The following MCTS1 variants were observed in gnomAD, a reference collection of about 807,000 sequenced individuals.
The protein encoded by MCTS1 is malignant T-cell-amplified sequence 1.
For synonymous variants in MCTS1, 26 were observed against 40.8 expected (o/e 0.64, Z 1.38); for missense variants, 55 against 128.6 (o/e 0.43, Z 2.77).
intron 4 of MCTS1, among the ~76,000 whole-genome samples, chrX:120,609,673 G>T (rs894692531): frequency 1.8e-5 from 2 of 111,736 alleles, no homozygotes; most frequent in Non-Finnish European, 1.9e-5. Flanking sequence ...GTGAGGACGG[G>T]TTTTTTGTTG....
rs1456954336 is a variant in MCTS1 at position 120,620,919 on chromosome X, T to A, written c.*8655T>A. The A allele has an allele frequency of 9.0e-6, 1 of 111,623 alleles. No individual in the cohort carries two copies. Among genetic ancestry groups the A allele is most frequent in the Non-Finnish European group, 1.9e-5 (1 of 53,214 alleles). 9.2% of individuals were successfully genotyped at this position (111,623 alleles called of 1,213,427 possible). A position where few individuals can be genotyped will look rare whatever the true frequency, so the allele number is the denominator to read the frequency against. ...CATGTTTAGCTATTGGGGGGTCTCA[T>A]ACTTCTGGACTTGCTTAGACCTATG... On this transcript the variant is annotated 3_prime_UTR_variant, in exon 6 of 6. Coordinates refer to ENST00000371317, the MANE Select transcript of MCTS1 (RefSeq NM_014060.3).
At position 120,619,450 on chromosome X, in the gene MCTS1, T is replaced by A. The variant is rs1926950872; in HGVS notation, c.*7186T>A. 9.1e-6 allele frequency among the ~76,000 whole-genome samples: 1 copy of A among 109,677 alleles called. No homozygotes were observed. The highest frequency in any genetic ancestry group is 9.8e-5 in the Admixed American group (1 of 10,244). Reference sequence around the variant, plus strand: ...ATGATTCCATGAGGTAGATTTTAACTCTCATTTTACAAACGAGGAGACTAA... The same window carrying A: ...ATGATTCCATGAGGTAGATTTTAACACTCATTTTACAAACGAGGAGACTAA... On this transcript the variant is annotated 3_prime_UTR_variant, in exon 6 of 6. Transcript: ENST00000371317.
At chrX:120,611,828 T>G (rs1926693936) in intron 5 of MCTS1, among the ~76,000 whole-genome samples, 1 of 112,411 alleles carries the variant, frequency 8.9e-6, no homozygotes, top group South Asian at 3.6e-4. Flanking sequence ...AGTAAAGATA[T>G]ATTATCAAAA....
In MCTS1 at chrX:120,617,928, A is replaced by G. The variant is rs931206584; in HGVS notation, c.*5664A>G. On this transcript the variant is annotated 3_prime_UTR_variant, in exon 6 of 6. Coordinates refer to ENST00000371317, the MANE Select transcript of MCTS1 (RefSeq NM_014060.3). ...ATGCCTTGAAAACAAATACAATTCA[A>G]TTGCCTTTTTGGTTCATGGGAAGCC... 8.9e-6 allele frequency among the ~76,000 whole-genome samples: 1 copy of G among 112,243 alleles called. No homozygotes were observed. The highest frequency in any genetic ancestry group is 1.9e-5 in the Non-Finnish European group (1 of 53,268).
At position 120,619,809 on chromosome X, in the gene MCTS1, G is replaced by C. The variant is rs1006616219; in HGVS notation, c.*7545G>C. Among the ~76,000 whole-genome samples, 1 of 111,620 alleles carries C rather than the reference G, an allele frequency of 9.0e-6. No homozygotes were observed. Among genetic ancestry groups the C allele is most frequent in the Non-Finnish European group, 1.9e-5 (1 of 53,173 alleles). On this transcript the variant is annotated 3_prime_UTR_variant, in exon 6 of 6. Transcript: ENST00000371317. ...TGTTTCCCTCTTAGCAAAGTGGAGT[G>C]GGAGAATCTTGAAATTGAACTCAGT...
At chrX:120,605,580 G>A in intron 2 of MCTS1, 21 bp downstream of exon 2, 1 of 1,182,872 alleles carries the variant, frequency 8.5e-7, no homozygotes, top group Middle Eastern at 2.4e-4. Context: ...GTTTTTGTCT[G>A]TGTAAAGCTC....
chrX:120,608,328 G>A lies in MCTS1; in HGVS notation c.366G>A (p.Lys122=), dbSNP rs1408667884. 8.3e-7 allele frequency: 1 copy of A among 1,202,509 alleles called. No homozygotes were observed. The highest frequency in any genetic ancestry group is 3.0e-5 in the East Asian group (1 of 33,780). The change falls in exon 4 of 6, where the codon AAG becomes AAA. Residue 122 remains lysine, a synonymous_variant. Transcript: ENST00000371317. ...MCPGLTSPGA[K]LYPAAVDTIV... is the part of the protein sequence containing the mutation. ...CAGGCTTAACTTCTCCTGGAGCTAA[G>A]CTTTACCCTGCTGCAGTAGATACCA...
In MCTS1 at chrX:120,619,274, A is replaced by C. The variant is rs1926944921; in HGVS notation, c.*7010A>C. ...ATCAATATTTTAACATTTTACCATC[A>C]AGATATTTAATACAAAGGATTGATA... On this transcript the variant is annotated 3_prime_UTR_variant, in exon 6 of 6. Coordinates refer to ENST00000371317, the MANE Select transcript of MCTS1 (RefSeq NM_014060.3). 9.0e-6 allele frequency among the ~76,000 whole-genome samples: 1 copy of C among 111,254 alleles called. No homozygotes were observed. Among genetic ancestry groups the C allele is most frequent in the South Asian group, 3.8e-4 (1 of 2,640 alleles).
chrX:120,618,122 G>A lies in MCTS1; in HGVS notation c.*5858G>A, dbSNP rs999653479. On this transcript the variant is annotated 3_prime_UTR_variant, in exon 6 of 6. Coordinates refer to ENST00000371317, the MANE Select transcript of MCTS1 (RefSeq NM_014060.3). Reference sequence around the variant, plus strand: ...CAATAAGATGATTTAATGATGAAACGGCATGTCAGTTTGACACTGTCTATT... The same window carrying A: ...CAATAAGATGATTTAATGATGAAACAGCATGTCAGTTTGACACTGTCTATT... Among the ~76,000 whole-genome samples, 3 of 112,530 alleles carry A rather than the reference G, an allele frequency of 2.7e-5. No individual in the cohort carries two copies. The highest frequency in any genetic ancestry group is 6.5e-5 in the African/African-American group (2 of 30,963).
Position 120,604,298 on chromosome X carries a change from G to T in MCTS1, c.11+51G>T, listed in dbSNP as rs373175110. 1.1e-5 allele frequency: 13 copies of T among 1,191,003 alleles called. No individual in the cohort carries two copies. In the African/African-American group the frequency reaches 2.1e-4, roughly 20 times the overall value. On this transcript the variant is annotated intron_variant, in intron 1 of 5. Coordinates refer to ENST00000371317, the MANE Select transcript of MCTS1 (RefSeq NM_014060.3). Reference sequence around the variant, plus strand: ...GGCTGCTCACAAAGGCGGTGGGGTGGGGGTGGGGAAGAGGGCGAGAGCTAA... The same window carrying T: ...GGCTGCTCACAAAGGCGGTGGGGTGTGGGTGGGGAAGAGGGCGAGAGCTAA...
chrX:120,604,790 C>T (rs1264615341), intron 1 of MCTS1: 1 of 1,128,189 alleles, frequency 8.9e-7, no homozygotes. Flanking sequence ...GACAAAAATT[C>T]CTTGGGAACC....
At chrX:120,608,079 T>G in intron 3 of MCTS1, 146 bp from the exon 4 acceptor site, 1 of 469,541 alleles carries the variant, frequency 2.1e-6, no homozygotes, top group Non-Finnish European at 3.3e-6. Flanking sequence ...CAAAAAAGAT[T>G]ACCAATTTGG....
At position 120,616,378 on chromosome X, in the gene MCTS1, T is replaced by A. The variant is rs1434996185; in HGVS notation, c.*4114T>A. 1.8e-5 allele frequency among the ~76,000 whole-genome samples: 2 copies of A among 112,529 alleles called. No homozygotes were observed. The highest frequency in any genetic ancestry group is 3.7e-5 in the Non-Finnish European group (2 of 53,353). On this transcript the variant is annotated 3_prime_UTR_variant, in exon 6 of 6. Coordinates refer to ENST00000371317, the MANE Select transcript of MCTS1 (RefSeq NM_014060.3). ...TTATACTTGTATGTATTTTATACTT[T>A]GTATGAATACTTTTATTACACTTTT... is the stretch of plus-strand genomic sequence containing the variant.
intron 4 of MCTS1, 174 bp from the exon 5 acceptor site, chrX:120,610,837 G>T (rs1476536514): frequency 1.4e-5 from 6 of 421,554 alleles, no homozygotes; most frequent in Non-Finnish European, 2.5e-5. Context: ...TATTTACAGT[G>T]TACCCACAGA....
At chrX:120,607,890 G>T (rs1264362066) in intron 3 of MCTS1, among the ~76,000 whole-genome samples, 1 of 109,841 alleles carries the variant, frequency 9.1e-6, no homozygotes, top group Non-Finnish European at 1.9e-5. Flanking sequence ...AATTTCCCAG[G>T]GCATATTAAG....
chrX:120,616,568 CTGTT>C lies in MCTS1; in HGVS notation c.*4306_*4309del, dbSNP rs768180070. ...TGTTGAGACTATTAGGTTCATCTGT[CTGTT>C]TAAGAGTCTGGCCTTAGGGAATATA... On this transcript the variant is annotated 3_prime_UTR_variant, in exon 6 of 6. Coordinates refer to ENST00000371317, the MANE Select transcript of MCTS1 (RefSeq NM_014060.3). Among the ~76,000 whole-genome samples, 11 of 111,627 alleles carry C rather than the reference CTGTT, an allele frequency of 9.9e-5. No homozygotes were observed. The highest frequency in any genetic ancestry group is 4.7e-3 in the Middle Eastern group (1 of 215).
In MCTS1 at chrX:120,616,496, G is replaced by A. The variant is rs4825424; in HGVS notation, c.*4232G>A. ...ACCAAGTAAAGGACCACAACTCCAC[G>A]AGATCAGGAATGAATGAAGAAAATT... is the stretch of plus-strand genomic sequence containing the variant. On this transcript the variant is annotated 3_prime_UTR_variant, in exon 6 of 6. Transcript: ENST00000371317. Among the ~76,000 whole-genome samples the A allele has an allele frequency of 1.8e-5, 2 of 111,587 alleles. No individual in the cohort carries two copies. Among genetic ancestry groups the A allele is most frequent in the Admixed American group, 9.6e-5 (1 of 10,405 alleles).
intron 4 of MCTS1, 140 bp from the exon 5 acceptor site, chrX:120,610,870 AG>A (rs1233060213): frequency 3.8e-6 from 2 of 525,640 alleles, no homozygotes; most frequent in African/African-American, 4.6e-5. Flanking sequence ...TCTGCTCTCA[AG>A]GAGTTAATGG....
rs1393960476 is a variant in MCTS1 at position 120,615,291 on chromosome X, A to C, written c.*3027A>C. Reference sequence around the variant, plus strand: ...GTCTTTAGTTCATTTTTAGTTTCAAAATTAAGTTTGTGTCAAACCAACCTA... The same window carrying C: ...GTCTTTAGTTCATTTTTAGTTTCAACATTAAGTTTGTGTCAAACCAACCTA... On this transcript the variant is annotated 3_prime_UTR_variant, in exon 6 of 6. Transcript: ENST00000371317. 8.9e-6 allele frequency among the ~76,000 whole-genome samples: 1 copy of C among 111,945 alleles called. No homozygotes were observed. Among genetic ancestry groups the C allele is most frequent in the Admixed American group, 9.5e-5 (1 of 10,489 alleles).
Sources: allele counts gnomAD v4.1 joint callset (sites outside exome capture counted in the v4.1 genomes callset), GRCh38; gene constraint gnomAD v4.1.1; transcripts MANE v1.5; gene names NCBI Gene and HGNC (gene_info 2026-07-23, HGNC 2026-07-21).